Variants in FANCD2 observed in about 807,000 individuals in gnomAD.
The protein encoded by FANCD2 is Fanconi anemia group D2 protein.
In FANCD2, 131 loss-of-function variants were observed where a neutral mutation model predicts 192.3. The ratio of observed to expected loss-of-function variants is 0.68; its 90% CI spans 0.59 to 0.79. The LOEUF (loss-of-function observed/expected upper bound fraction) is 0.79. Among genes scored for constraint, FANCD2 ranks in the 30% least tolerant of loss-of-function variants. The pLI is 0.00. For synonymous variants in FANCD2, 524 were observed against 612.5 expected (o/e 0.86, Z 2.13); for missense variants, 1,508 against 1,701.6 (o/e 0.89, Z 2.00).
intron 32 of FANCD2, among the ~76,000 whole-genome samples, chr3:10,082,718 C>A (rs1459985576): frequency 6.6e-6 from 1 of 152,160 alleles, no homozygotes; most frequent in Non-Finnish European, 1.5e-5. Flanking sequence ...TCCATCCTGC[C>A]TCTCTAACCC....
intron 18 of FANCD2, among the ~76,000 whole-genome samples, chr3:10,054,446 C>CGT (rs2087332577): frequency 1.1e-4 from 4 of 36,498 alleles, no homozygotes; most frequent in African/African-American, 2.6e-4. Context: ...CATGTATATA[C>CGT]ATATATATAT....
intron 15 of FANCD2, among the ~76,000 whole-genome samples, chr3:10,047,269 T>C (rs189730158): frequency 1.3e-5 from 2 of 152,422 alleles, no homozygotes; most frequent in East Asian, 3.8e-4. Context: ...TCTGTGTTTA[T>C]TTCTGCCAAT....
At chr3:10,038,640 G>A (rs995566501) in intron 7 of FANCD2, among the ~76,000 whole-genome samples, 1 of 149,564 alleles carries the variant, frequency 6.7e-6, no homozygotes, top group East Asian at 2.0e-4. Flanking sequence ...GAGTGCAGTG[G>A]CACGATCTCA....
intron 26 of FANCD2, among the ~76,000 whole-genome samples, chr3:10,068,909 A>G (rs1289969849): frequency 6.6e-6 from 1 of 152,248 alleles, no homozygotes; most frequent in Admixed American, 6.5e-5. Context: ...ACTCTCTTCA[A>G]TAAATGGTGT....
At chr3:10,051,244 AGTG>A (rs2087196092) in intron 17 of FANCD2, among the ~76,000 whole-genome samples, 1 of 142,162 alleles carries the variant, frequency 7.0e-6, no homozygotes, top group Non-Finnish European at 1.5e-5. Context: ...AGCCGGGCGT[AGTG>A]GTGGGCGCCT....
chr3:10,042,731 A>C, intron 11 of FANCD2, 68 bp downstream of exon 11: 1 of 1,183,240 alleles, frequency 8.5e-7, no homozygotes. Context: ...CTCTGTCCCC[A>C]GACTAACTGA....
intron 17 of FANCD2, 89 bp from the exon 18 acceptor site, chr3:10,052,298 G>T (rs2087241262): frequency 3.5e-6 from 3 of 846,292 alleles, no homozygotes; most frequent in Non-Finnish European, 6.1e-6. Context: ...CTATCTATGT[G>T]TGTCTCTTTT....
intron 25 of FANCD2, 25 bp downstream of exon 25, chr3:10,066,004 C>T: frequency 7.2e-7 from 1 of 1,392,456 alleles, no homozygotes; most frequent in Non-Finnish European, 1.0e-6. Context: ...TAGGATGTTT[C>T]ACTTATTGTG....
chr3:10,037,794 C>T lies in FANCD2; in HGVS notation c.491+1455C>T, dbSNP rs879335459. ...TTGAAAAAAACAAACCCAGGTTACA[C>T]ATAGCACTTATATTAGGTTGGTGCA... is the stretch of plus-strand genomic sequence containing the variant. On this transcript the variant is annotated intron_variant, in intron 7 of 43. Transcript: ENST00000675286. The T allele has an allele frequency of 9.9e-5, 15 of 152,128 alleles. 1 individual carries two copies. Among genetic ancestry groups the T allele is most frequent in the Admixed American group, 9.8e-4 (15 of 15,262 alleles). The allele number at this position is 152,128 out of a possible 1,614,324, so 9.4% of individuals were successfully genotyped here.
intron 2 of FANCD2, chr3:10,032,435 C>G (rs1043997453): frequency 1.8e-5 from 5 of 276,044 alleles, no homozygotes; most frequent in African/African-American, 1.0e-4. Flanking sequence ...TGTGCGTCTC[C>G]TCACCTAACT....
chr3:10,045,101 T>TTTTTTTTTTTTTCCC (rs397948524), intron 14 of FANCD2, among the ~76,000 whole-genome samples: 2 of 149,080 alleles, frequency 1.3e-5, no homozygotes, highest in African/African-American at 2.6e-5. Context: ...TTTTTTTTTT[T>TTTTTTTTTTTTTCCC]CCTGGAAGCA....
At chr3:10,077,976 AT>A in intron 29 of FANCD2, 104 bp from the exon 30 acceptor site, 1 of 820,980 alleles carries the variant, frequency 1.2e-6, no homozygotes, top group Non-Finnish European at 2.2e-6. Flanking sequence ...CAAGGCTGGA[AT>A]AGCTATGATC....
intron 9 of FANCD2, chr3:10,040,689 T>A: frequency 2.5e-6 from 1 of 396,342 alleles, no homozygotes; most frequent in Non-Finnish European, 4.9e-6. Context: ...TAATGCAACT[T>A]TTTATTGTAC....
intron 28 of FANCD2, 27 bp from the exon 29 acceptor site, chr3:10,074,503 C>G (rs200677332): frequency 6.2e-7 from 1 of 1,600,524 alleles, no homozygotes; most frequent in South Asian, 1.1e-5. Context: ...TTTATATATT[C>G]TCTTTGTTGC....
At chr3:10,062,295 C>A in intron 20 of FANCD2, 84 bp downstream of exon 20, 1 of 1,116,180 alleles carries the variant, frequency 9.0e-7, no homozygotes. Context: ...ACCTGCAGTG[C>A]AGTGGCAAGA....
intron 41 of FANCD2, among the ~76,000 whole-genome samples, chr3:10,096,071 A>T (rs962761923): frequency 6.6e-6 from 1 of 152,174 alleles, no homozygotes; most frequent in Non-Finnish European, 1.5e-5. Context: ...ATTTTAGGTA[A>T]ATTCATTGAA....
chr3:10,062,781 G>C (rs566668306), intron 20 of FANCD2, among the ~76,000 whole-genome samples: 1 of 151,590 alleles, frequency 6.6e-6, no homozygotes, highest in African/African-American at 2.4e-5. Flanking sequence ...TGCTTCCCGG[G>C]TTCAAGCAAT....
At chr3:10,041,280 TG>T (rs1484629612) in intron 9 of FANCD2, 1 of 290,344 alleles carries the variant, frequency 3.4e-6, no homozygotes, top group East Asian at 9.2e-5. Flanking sequence ...CACCTACATG[TG>T]TCTCTCATAC....
rs114395370 is a variant in FANCD2, at chr3:10,029,187, A to T, written c.64+466A>T. 8.3e-3 allele frequency among the ~76,000 whole-genome samples: 1,262 copies of T among 152,284 alleles called. 20 individuals carry two copies. The highest frequency in any genetic ancestry group is 0.028 in the African/African-American group (1,184 of 41,554). The stretch of plus-strand genomic sequence containing the variant: ...CCCATATGAGAAATAGTTGACAAAG[A>T]TCCCAAGAGTTCCAGATATAAGGAG... On this transcript the variant is annotated intron_variant, in intron 2 of 43. Coordinates refer to ENST00000675286, the MANE Select transcript of FANCD2 (RefSeq NM_001018115.3).
Sources: allele counts gnomAD v4.1 joint callset (sites outside exome capture counted in the v4.1 genomes callset), GRCh38; gene constraint gnomAD v4.1.1; transcripts MANE v1.5; gene names NCBI Gene and HGNC (gene_info 2026-07-23, HGNC 2026-07-21).